The following TENM2 variants were observed in gnomAD, a reference collection of about 807,000 sequenced individuals.
The protein encoded by TENM2 is teneurin-2.
Under a neutral mutation model 245.2 loss-of-function variants are expected in TENM2, and 52 were observed. The ratio of observed to expected loss-of-function variants is 0.21; its 90% CI spans 0.17 to 0.27. The LOEUF (loss-of-function observed/expected upper bound fraction) is 0.27. TENM2 is among the 10% of genes least tolerant of loss of function. The pLI, the probability that TENM2 is intolerant of heterozygous loss-of-function variation, is 1.00. For missense variants in TENM2, 3,046 were observed against 3,666.8 expected, an observed-to-expected ratio of 0.83 and a Z score of 4.37; for synonymous variants, 1,363 against 1,438.9, an observed-to-expected ratio of 0.95 and a Z score of 1.19.
the TENM2 span, among the ~76,000 whole-genome samples, chr5:167,154,150 A>G: frequency 2.0e-5 from 3 of 152,242 alleles, no homozygotes; most frequent in Admixed American, 2.0e-4. Flanking sequence ...AAGCTAAATG[A>G]TAAAGACTAC....
At chr5:167,593,071 G>A (rs1474930815) in intron 2 of TENM2, among the ~76,000 whole-genome samples, 1 of 151,912 alleles carries the variant, frequency 6.6e-6, no homozygotes, top group Non-Finnish European at 1.5e-5. Flanking sequence ...TAATTCATTT[G>A]GAAATTATTC....
At chr5:167,035,485 G>A in the TENM2 span, among the ~76,000 whole-genome samples, 15 of 152,224 alleles carry the variant, frequency 9.9e-5, no homozygotes, top group African/African-American at 2.9e-4. Flanking sequence ...CAATGATGTC[G>A]TTCATCACCA....
intron 2 of TENM2, among the ~76,000 whole-genome samples, chr5:167,443,221 G>A (rs1227717783): frequency 6.6e-6 from 1 of 152,000 alleles, no homozygotes; most frequent in African/African-American, 2.4e-5. Flanking sequence ...AAACCAGAGA[G>A]TTGGCATGCA....
chr5:167,490,203 T>C (rs961538116), intron 2 of TENM2, among the ~76,000 whole-genome samples: 1 of 152,166 alleles, frequency 6.6e-6, no homozygotes, highest in African/African-American at 2.4e-5. Flanking sequence ...AGCCACACTT[T>C]ATATTGTTAT....
At chr5:167,074,999 C>T in the TENM2 span, among the ~76,000 whole-genome samples, 3 of 152,080 alleles carry the variant, frequency 2.0e-5, no homozygotes, top group Non-Finnish European at 2.9e-5. Context: ...CACTTGCTGT[C>T]GTAGAAGCTT....
At chr5:167,978,876 C>T (rs761349968) in intron 4 of TENM2, among the ~76,000 whole-genome samples, 3 of 152,106 alleles carry the variant, frequency 2.0e-5, no homozygotes, top group Non-Finnish European at 4.4e-5. Flanking sequence ...CTGTATAAAA[C>T]GTCTACTCAA....
chr5:167,734,794 G>A (rs905874426), intron 2 of TENM2, among the ~76,000 whole-genome samples: 1 of 152,160 alleles, frequency 6.6e-6, no homozygotes, highest in African/African-American at 2.4e-5. Context: ...ATCCTGCACA[G>A]CAGAGGTGAT....
intron 7 of TENM2, among the ~76,000 whole-genome samples, chr5:168,086,083 G>C (rs753686336): frequency 6.6e-6 from 1 of 152,120 alleles, no homozygotes; most frequent in African/African-American, 2.4e-5. Flanking sequence ...ACATCTTCCC[G>C]AAGGGCAATG....
At chr5:167,214,054 C>A in the TENM2 span, among the ~76,000 whole-genome samples, 1 of 152,170 alleles carries the variant, frequency 6.6e-6, no homozygotes, top group South Asian at 2.1e-4. Context: ...TGTCGATCAA[C>A]ATGGGAAGAA....
At chr5:167,806,685 G>T (rs1278566590) in intron 2 of TENM2, among the ~76,000 whole-genome samples, 2 of 152,058 alleles carry the variant, frequency 1.3e-5, no homozygotes, top group Non-Finnish European at 2.9e-5. Flanking sequence ...GGGTCCCTAA[G>T]ATCACTCTCA....
the TENM2 span, among the ~76,000 whole-genome samples, chr5:167,232,386 TTC>T: frequency 0.054 from 7,896 of 146,662 alleles, 610 homozygotes; most frequent in African/African-American, 0.17. Flanking sequence ...TTTTTTTTTT[TTC>T]CCAAGACAGA....
chr5:167,367,758 G>A (rs759983795), intron 1 of TENM2, among the ~76,000 whole-genome samples: 6 of 151,854 alleles, frequency 4.0e-5, no homozygotes, highest in Non-Finnish European at 7.4e-5. Flanking sequence ...ATATTTAAAT[G>A]CGAGATAACA....
At chr5:167,840,196 C>T (rs928391894) in intron 2 of TENM2, among the ~76,000 whole-genome samples, 2 of 152,216 alleles carry the variant, frequency 1.3e-5, no homozygotes, top group African/African-American at 4.8e-5. Flanking sequence ...AGCAAGTAAT[C>T]ATTTGATCTG....
At chr5:168,047,085 G>T (rs2152036033) in intron 5 of TENM2, among the ~76,000 whole-genome samples, 1 of 152,324 alleles carries the variant, frequency 6.6e-6, no homozygotes, top group African/African-American at 2.4e-5. Flanking sequence ...GAAAAGGATG[G>T]ATGTGGTAGA....
intron 2 of TENM2, among the ~76,000 whole-genome samples, chr5:167,575,271 AT>A (rs1005028310): frequency 6.6e-6 from 1 of 152,298 alleles, no homozygotes; most frequent in Non-Finnish European, 1.5e-5. Flanking sequence ...AAATCTGAAT[AT>A]TAAAAGTACA....
chr5:167,306,167 CTCCTTATATTCGATTCGG>C (rs1422776648), intron 1 of TENM2: 9 of 152,152 alleles, frequency 5.9e-5, no homozygotes, highest in African/African-American at 2.2e-4. Context: ...CAGTAGCCTG[CTCCTTATATTCGATTCGG>C]TAAGAATTAT....
intron 3 of TENM2, among the ~76,000 whole-genome samples, chr5:167,876,954 G>A (rs1366084337): frequency 1.3e-5 from 2 of 152,142 alleles, no homozygotes; most frequent in African/African-American, 4.8e-5. Context: ...GAATTGCCCT[G>A]GGCCCAGCGA....
intron 3 of TENM2, chr5:167,938,042 A>G (rs549797178): frequency 6.6e-6 from 1 of 152,398 alleles, no homozygotes; most frequent in South Asian, 2.1e-4. Context: ...AATTCAGCAC[A>G]TGTATTCCGT....
At chr5:168,227,787 C>CAAAGT (rs1562306652) in intron 24 of TENM2, 108 bp from the exon 27 acceptor site, 2 of 704,332 alleles carry the variant, frequency 2.8e-6, no homozygotes, top group Admixed American at 3.0e-5. Flanking sequence ...CTAATGGCTG[C>CAAAGT]AAAGTACCAT....
Sources: gnomAD v4.1 joint callset for allele counts (sites outside exome capture counted in the v4.1 genomes callset) on GRCh38, gnomAD v4.1.1 for gene constraint, MANE v1.5 for transcripts, NCBI Gene and HGNC (gene_info 2026-07-23, HGNC 2026-07-21) for gene names.